Variants in CCSER1 observed in about 807,000 individuals in gnomAD.
CCSER1 encodes serine-rich coiled-coil domain-containing protein 1.
In CCSER1, 41 loss-of-function variants were observed where a neutral mutation model predicts 82.0. The observed-to-expected ratio is 0.50, with a 90% CI of 0.39 to 0.65. The LOEUF is 0.65. Ranked by LOEUF, CCSER1 falls within the 30% of genes least tolerant of loss-of-function variation. CCSER1 has a pLI of 0.00. For synonymous variants in CCSER1, 414 were observed against 383.9 expected, an observed-to-expected ratio of 1.08 and a Z score of -0.92; for missense variants, 1,119 against 1,064.2, an observed-to-expected ratio of 1.05 and a Z score of -0.72.
chr4:91,055,449 G>T (rs1244993779), intron 9 of CCSER1, among the ~76,000 whole-genome samples: 1 of 151,998 alleles, frequency 6.6e-6, no homozygotes, highest in Admixed American at 6.6e-5. Flanking sequence ...TTTTCTTTCA[G>T]TATTTTAGCT....
chr4:91,501,639 A>G (rs1759218110), intron 10 of CCSER1, among the ~76,000 whole-genome samples: 3 of 151,850 alleles, frequency 2.0e-5, no homozygotes, highest in Admixed American at 6.6e-5. Flanking sequence ...TATCTGCCCT[A>G]TTCTCCTTTT....
intron 1 of CCSER1, among the ~76,000 whole-genome samples, chr4:90,224,598 T>C (rs1444669162): frequency 6.6e-6 from 1 of 152,240 alleles, no homozygotes; most frequent in Non-Finnish European, 1.5e-5. Flanking sequence ...ACACACATAA[T>C]GATTAACACA....
intron 10 of CCSER1, among the ~76,000 whole-genome samples, chr4:91,144,616 A>G (rs748311970): frequency 7.0e-5 from 10 of 143,790 alleles, no homozygotes; most frequent in Non-Finnish European, 1.4e-4. Context: ...CTGTCCTCTT[A>G]AAGCTTTTTT....
At chr4:90,853,892 C>A (rs1764159141) in intron 8 of CCSER1, among the ~76,000 whole-genome samples, 1 of 151,942 alleles carries the variant, frequency 6.6e-6, no homozygotes, top group Admixed American at 6.6e-5. Flanking sequence ...AACAATAAAC[C>A]ATGGGAAGAG....
intron 6 of CCSER1, among the ~76,000 whole-genome samples, chr4:90,658,248 G>A (rs1033723038): frequency 2.6e-5 from 4 of 152,008 alleles, no homozygotes; most frequent in Non-Finnish European, 5.9e-5. Flanking sequence ...TTAAATAATA[G>A]GAGTAATTTG....
At chr4:91,456,163 G>T (rs1004363692) in intron 10 of CCSER1, among the ~76,000 whole-genome samples, 16 of 152,024 alleles carry the variant, frequency 1.1e-4, no homozygotes, top group African/African-American at 3.9e-4. Flanking sequence ...CCTGTGGGTT[G>T]CAGATTGCTG....
intron 1 of CCSER1, among the ~76,000 whole-genome samples, chr4:90,129,814 C>CA (rs1433806974): frequency 1.1e-4 from 16 of 152,160 alleles, no homozygotes; most frequent in African/African-American, 3.4e-4. Context: ...ACATTTTCAA[C>CA]ACGGAAGCAT....
At chr4:90,802,679 G>T (rs1050030439) in intron 7 of CCSER1, among the ~76,000 whole-genome samples, 2 of 152,116 alleles carry the variant, frequency 1.3e-5, no homozygotes, top group Non-Finnish European at 2.9e-5. Context: ...GAGAAGCAGT[G>T]CCTCCCATGG....
intron 5 of CCSER1, among the ~76,000 whole-genome samples, chr4:90,488,904 T>A (rs966620323): frequency 2.0e-5 from 3 of 152,188 alleles, no homozygotes; most frequent in African/African-American, 4.8e-5. Flanking sequence ...GATAGGCATG[T>A]CAGGAGAGGT....
chr4:91,177,652 G>T (rs1305444579), intron 10 of CCSER1, among the ~76,000 whole-genome samples: 1 of 152,186 alleles, frequency 6.6e-6, no homozygotes, highest in Non-Finnish European at 1.5e-5. Flanking sequence ...ATTTCTGTCA[G>T]ATCAGTGGTG....
chr4:90,720,035 T>G (rs1193202934), intron 6 of CCSER1, among the ~76,000 whole-genome samples: 1 of 152,222 alleles, frequency 6.6e-6, no homozygotes, highest in African/African-American at 2.4e-5. Flanking sequence ...TTTAATACTT[T>G]GAGTTATACT....
intron 6 of CCSER1, among the ~76,000 whole-genome samples, chr4:90,643,015 T>G (rs1726855682): frequency 6.6e-6 from 1 of 152,142 alleles, no homozygotes; most frequent in East Asian, 1.9e-4. Context: ...CCCATTTGTT[T>G]TGTTCTCTTT....
At chr4:90,543,151 A>G (rs115643491) in intron 5 of CCSER1, among the ~76,000 whole-genome samples, 110 of 152,228 alleles carry the variant, frequency 7.2e-4, no homozygotes, top group African/African-American at 2.4e-3. Context: ...ATACTGTTGT[A>G]TCATTTGTTC....
At position 90,831,369 on chromosome 4, in the gene CCSER1, A is replaced by G. The variant is rs374849811; in HGVS notation, c.2094+15524A>G. Among the ~76,000 whole-genome samples, 337 of 152,310 alleles carry G rather than the reference A, an allele frequency of 2.2e-3. 2 individuals carry two copies. Among genetic ancestry groups the G allele is most frequent in the African/African-American group, 7.6e-3 (317 of 41,576 alleles). ...TGGATTGCATAGCCTATCTTGTTAT[A>G]ATCTGTCATTTAAGAAAACTGTATC... On this transcript the variant is annotated intron_variant, in intron 8 of 10. Transcript: ENST00000509176.
chr4:91,323,750 A>G lies in CCSER1; in HGVS notation c.2217+237756A>G, dbSNP rs567051423. On this transcript the variant is annotated intron_variant, in intron 10 of 10. Transcript: ENST00000509176. The stretch of plus-strand genomic sequence containing the variant: ...GTTTAACATAAGCTTTCTGAACATA[A>G]CAAGGAAGACCTTGCTAGCGCAATG... Among the ~76,000 whole-genome samples the G allele has an allele frequency of 8.5e-5, 13 of 152,324 alleles. No individual in the cohort carries two copies. The East Asian group carries it at 1.9e-3, about 23-fold the overall frequency.
intron 10 of CCSER1, among the ~76,000 whole-genome samples, chr4:91,527,576 T>G (rs1242794634): frequency 6.6e-6 from 1 of 152,152 alleles, no homozygotes; most frequent in South Asian, 2.1e-4. Flanking sequence ...GGAAATCAAG[T>G]AGAATTAAGA....
chr4:90,533,786 T>G lies in CCSER1; in HGVS notation c.1724+65432T>G, dbSNP rs573813033. On this transcript the variant is annotated intron_variant, in intron 5 of 10. Coordinates refer to ENST00000509176, the MANE Select transcript of CCSER1 (RefSeq NM_001145065.2). ...AGTATTCTATATCATTGTATTTTTA[T>G]TTATTTATTTAGCCATTCATTCACT... 2.4e-4 allele frequency among the ~76,000 whole-genome samples: 36 copies of G among 151,786 alleles called. No individual in the cohort carries two copies. In the South Asian group the frequency reaches 5.2e-3, roughly 22 times the overall value.
At chr4:90,585,541 C>A (rs1452967912) in intron 5 of CCSER1, among the ~76,000 whole-genome samples, 1 of 152,060 alleles carries the variant, frequency 6.6e-6, no homozygotes, top group East Asian at 1.9e-4. Flanking sequence ...TCTTATAAAC[C>A]TAGCTAATTA....
In CCSER1 at chr4:90,154,311, G is replaced by A. The variant is rs182071213; in HGVS notation, c.-42+26480G>A. On this transcript the variant is annotated intron_variant, in intron 1 of 10. Coordinates refer to ENST00000509176, the MANE Select transcript of CCSER1 (RefSeq NM_001145065.2). Reference sequence around the variant, plus strand: ...GTAGTATAGTTTGAAGTCAGGTAGCGTGACGCCTCCAGCTTTGTTCTTTTG... The same window carrying A: ...GTAGTATAGTTTGAAGTCAGGTAGCATGACGCCTCCAGCTTTGTTCTTTTG... 5.8e-4 allele frequency among the ~76,000 whole-genome samples: 88 copies of A among 152,292 alleles called. 1 individual carries two copies. The highest frequency in any genetic ancestry group is 1.7e-3 in the African/African-American group (70 of 41,562).
Sources: gnomAD v4.1 joint callset for allele counts (sites outside exome capture counted in the v4.1 genomes callset) on GRCh38, gnomAD v4.1.1 for gene constraint, MANE v1.5 for transcripts, NCBI Gene and HGNC (gene_info 2026-07-23, HGNC 2026-07-21) for gene names.